Variants in SOS2 observed in about 807,000 individuals in gnomAD.
SOS2 encodes SOS Ras/Rho guanine nucleotide exchange factor 2.
SOS2 carries 65 observed loss-of-function variants against 148.2 expected under a neutral mutation model. The observed-to-expected ratio is 0.44, with a 90% CI of 0.36 to 0.54. SOS2 has a LOEUF of 0.54. Ranked by LOEUF, SOS2 falls within the 20% of genes least tolerant of loss-of-function variation. The probability of loss-of-function intolerance (pLI) is 0.00; values close to 1 mark genes in which losing one functional copy is unlikely to be tolerated. For missense variants in SOS2, 1,341 were observed against 1,590.2 expected (o/e 0.84, Z 2.67); for synonymous variants, 539 against 537.1 (o/e 1.00, Z -0.05).
At chr14:50,186,411 T>C (rs1350570792) in intron 5 of SOS2, among the ~76,000 whole-genome samples, 1 of 152,092 alleles carries the variant, frequency 6.6e-6, no homozygotes, top group Non-Finnish European at 1.5e-5. Flanking sequence ...TTCATACCAC[T>C]AGAGACAAAA....
chr14:50,163,858 T>G (rs1885088057), intron 8 of SOS2, among the ~76,000 whole-genome samples: 1 of 152,192 alleles, frequency 6.6e-6, no homozygotes, highest in Admixed American at 6.5e-5. Flanking sequence ...AAAGGTATGA[T>G]TTTCATTGTC....
At position 50,196,417 on chromosome 14, in the gene SOS2, T is replaced by G. The variant is rs117330743; in HGVS notation, c.510+3274A>C. On this transcript the variant is annotated intron_variant, in intron 4 of 22. Transcript: ENST00000216373. ...TCAAGCATTTATCCTTTTTTTGTGTTACAAACAATCCAATTAAACTCTTTT... is the reference window on the plus strand; with the variant it reads ...TCAAGCATTTATCCTTTTTTTGTGTGACAAACAATCCAATTAAACTCTTTT... 3.9e-4 allele frequency among the ~76,000 whole-genome samples: 60 copies of G among 152,310 alleles called. 1 individual carries two copies. The East Asian group carries it at 0.011, about 29-fold the overall frequency.
rs777858898 is a variant in SOS2, at chr14:50,180,583, G to A, written c.958C>T (p.Leu320=). The A allele has an allele frequency of 1.6e-5, 21 of 1,343,256 alleles. No individual in the cohort carries two copies. In the East Asian group the frequency reaches 3.9e-4, roughly 25 times the overall value. The allele number at this position is 1,343,256 out of a possible 1,614,324, so 83.2% of individuals were successfully genotyped here. A position where few individuals can be genotyped will look rare whatever the true frequency, so the allele number is the denominator to read the frequency against. The change falls in exon 7 of 23, where the codon CTA becomes TTA. Residue 320 remains leucine, a synonymous_variant. Transcript: ENST00000216373. The stretch of plus-strand genomic sequence containing the variant: ...CAATTTAAGTTTACCTGAAAGTGTA[G>A]AGCAACTGCAGGTCTGGCCATCAAT... ...NKLMARPAVA[L]HFQSIADGFK...
At chr14:50,161,750 T>G in intron 8 of SOS2, 141 bp from the exon 9 acceptor site, 1 of 691,754 alleles carries the variant, frequency 1.4e-6, no homozygotes, top group Non-Finnish European at 2.3e-6. Flanking sequence ...TATAATTTTA[T>G]ATATACCTAC....
chr14:50,169,213 GGCTGAA>G (rs903602806), intron 8 of SOS2, among the ~76,000 whole-genome samples: 1 of 152,076 alleles, frequency 6.6e-6, no homozygotes, highest in Non-Finnish European at 1.5e-5. Context: ...CTACTCAGGA[GGCTGAA>G]GCAAGAGAAT....
In SOS2 at chr14:50,161,599, G is replaced by A; in HGVS notation, c.1079C>T (p.Ala360Val). Residue 360 changes from alanine (A) to valine (V), a missense_variant, in exon 9 of 23, where the codon GCA becomes GTA. This residue lies in a region of SOS2 where 574 missense variants were observed against 711.1 expected (regional missense o/e 0.81). Transcript: ENST00000216373. ...HYFELLKQLK[A>V]CSEEQEDREC... ...TCTGTCTTCTTGTTCTTCACTACAT[G>A]CTTTCAATTGCTAAGAAAAAACAGA... is the stretch of plus-strand genomic sequence containing the variant. 6.2e-7 allele frequency: 1 copy of A among 1,610,194 alleles called. No homozygotes were observed. Among genetic ancestry groups the A allele is most frequent in the Non-Finnish European group, 8.5e-7 (1 of 1,178,400 alleles).
At chr14:50,168,340 G>T (rs1456066582) in intron 8 of SOS2, among the ~76,000 whole-genome samples, 1 of 152,144 alleles carries the variant, frequency 6.6e-6, no homozygotes, top group African/African-American at 2.4e-5. Context: ...TCTCATCTCA[G>T]TCTCACAAGT....
At chr14:50,148,161 CA>C (rs1334866577) in intron 14 of SOS2, among the ~76,000 whole-genome samples, 1 of 152,074 alleles carries the variant, frequency 6.6e-6, no homozygotes, top group Non-Finnish European at 1.5e-5. Context: ...CCTGTAATCC[CA>C]GCACTTTGGG....
At chr14:50,214,055 G>GGTTT (rs1886969407) in intron 1 of SOS2, among the ~76,000 whole-genome samples, 1 of 151,964 alleles carries the variant, frequency 6.6e-6, no homozygotes, top group Non-Finnish European at 1.5e-5. Flanking sequence ...AAGTTAAAAT[G>GGTTT]GTTTTCTCTA....
At chr14:50,184,339 C>A (rs1216777863) in intron 5 of SOS2, among the ~76,000 whole-genome samples, 2 of 152,154 alleles carry the variant, frequency 1.3e-5, no homozygotes, top group African/African-American at 4.8e-5. Flanking sequence ...CCTGGCTCCA[C>A]CACATGTGGT....
At chr14:50,195,764 C>T (rs1207778442) in intron 4 of SOS2, among the ~76,000 whole-genome samples, 1 of 151,894 alleles carries the variant, frequency 6.6e-6, no homozygotes, top group Non-Finnish European at 1.5e-5. Flanking sequence ...GGTGTGGTGG[C>T]TCAAGCCTGT....
At chr14:50,184,540 C>T (rs1566842308) in intron 5 of SOS2, among the ~76,000 whole-genome samples, 1 of 151,584 alleles carries the variant, frequency 6.6e-6, no homozygotes, top group African/African-American at 2.4e-5. Context: ...GGCCAGTCAC[C>T]AAAAAGACCA....
intron 4 of SOS2, among the ~76,000 whole-genome samples, chr14:50,198,534 C>A (rs1217888447): frequency 6.6e-6 from 1 of 152,150 alleles, no homozygotes; most frequent in African/African-American, 2.4e-5. Flanking sequence ...GTTTGGAGAT[C>A]CAATCCAGGC....
chr14:50,140,444 A>C (rs1566823697), intron 16 of SOS2, among the ~76,000 whole-genome samples: 1 of 152,238 alleles, frequency 6.6e-6, no homozygotes, highest in Non-Finnish European at 1.5e-5. Flanking sequence ...AGGAGAAGAC[A>C]ACTATCAGAA....
chr14:50,209,755 C>A (rs373868810), intron 1 of SOS2, among the ~76,000 whole-genome samples: 60 of 146,686 alleles, frequency 4.1e-4, no homozygotes, highest in African/African-American at 3.8e-4. Flanking sequence ...GACCTTGTCT[C>A]AAAAAAAAAA....
chr14:50,161,965 G>T (rs1049567345), intron 8 of SOS2, among the ~76,000 whole-genome samples: 1 of 151,500 alleles, frequency 6.6e-6, no homozygotes, highest in Non-Finnish European at 1.5e-5. Context: ...CTCCCAGGCT[G>T]GTCTTGAACA....
At position 50,134,195 on chromosome 14, in the gene SOS2, T is replaced by A. The variant is rs546284255; in HGVS notation, c.3003A>T (p.Lys1001Asn). The A allele has an allele frequency of 1.2e-6, 2 of 1,607,406 alleles. No individual in the cohort carries two copies. The highest frequency in any genetic ancestry group is 4.5e-5 in the East Asian group (2 of 44,744). ...NLNPMGSASE[K>N]EFTDYLFNKS... Reference sequence around the variant, plus strand: ...TGTTGAACAAATAATCTGTAAACTCTTTTTCAGATGCACTTCCCATGGGGT... The same window carrying A: ...TGTTGAACAAATAATCTGTAAACTCATTTTCAGATGCACTTCCCATGGGGT... The change falls in exon 19 of 23, where the codon AAA becomes AAT. Residue 1001 changes from lysine (K) to asparagine (N), a missense_variant. Around this residue, in one of 4 missense-constraint regions of SOS2, gnomAD observed 408 missense variants for 506.6 expected, o/e 0.81. Transcript: ENST00000216373.
At chr14:50,191,464 A>G (rs1886135655) in intron 4 of SOS2, among the ~76,000 whole-genome samples, 1 of 152,136 alleles carries the variant, frequency 6.6e-6, no homozygotes, top group Non-Finnish European at 1.5e-5. Flanking sequence ...ATGAGATCCT[A>G]TCTCTAAATA....
intron 2 of SOS2, among the ~76,000 whole-genome samples, chr14:50,203,008 A>C (rs1404365924): frequency 6.6e-6 from 1 of 151,466 alleles, no homozygotes; most frequent in Non-Finnish European, 1.5e-5. Context: ...TAAAAATAAA[A>C]ATTAGCTGGG....
Sources: gnomAD v4.1 joint callset for allele counts (sites outside exome capture counted in the v4.1 genomes callset) on GRCh38, gnomAD v4.1.1 for gene constraint, gnomAD v4.1.1 regional missense constraint, MANE v1.5 for transcripts, NCBI Gene and HGNC (gene_info 2026-07-23, HGNC 2026-07-21) for gene names.